The following LARGE1 variants were observed in gnomAD, a reference collection of about 807,000 sequenced individuals.
LARGE1 encodes the protein xylosyl- and glucuronyltransferase LARGE1.
Under a neutral mutation model 87.6 loss-of-function variants are expected in LARGE1, and 43 were observed. The observed-to-expected ratio is 0.49, with a 90% CI of 0.38 to 0.63. The LOEUF is 0.63. LARGE1 is among the 30% of genes least tolerant of loss of function. The pLI is 0.00. For missense variants in LARGE1, 802 were observed against 1,000.2 expected, an observed-to-expected ratio of 0.80 and a Z score of 2.67; for synonymous variants, 434 against 394.6, an observed-to-expected ratio of 1.10 and a Z score of -1.18.
Position 33,807,487 on chromosome 22 carries a change from G to A in LARGE1, c.-82-45929C>T, listed in dbSNP as rs1187208310. On this transcript the variant is annotated intron_variant, in intron 1 of 14. Coordinates refer to ENST00000397394, the MANE Select transcript of LARGE1 (RefSeq NM_133642.5). ...CAATCTCAACATACCCCATCAGAGT[G>A]GTAAGTTTCTTACAACTGGTGAGCC... 2.0e-5 allele frequency among the ~76,000 whole-genome samples: 3 copies of A among 152,192 alleles called. No individual in the cohort carries two copies. The East Asian group carries it at 5.8e-4, about 29-fold the overall frequency.
At chr22:33,815,285 G>A (rs776930446) in intron 1 of LARGE1, among the ~76,000 whole-genome samples, 8 of 152,154 alleles carry the variant, frequency 5.3e-5, no homozygotes, top group Non-Finnish European at 1.2e-4. Flanking sequence ...TCATCACCTC[G>A]TCTAAGCCAG....
chr22:33,748,280 C>T lies in LARGE1; in HGVS notation c.106+13091G>A, dbSNP rs986030350. 6.6e-5 allele frequency among the ~76,000 whole-genome samples: 10 copies of T among 151,706 alleles called. No homozygotes were observed. The South Asian group carries it at 1.5e-3, about 22-fold the overall frequency. ...CCGAGTAGCTGGGATTACAGGTGCCCGCCATCACGCCTGCCTAATTTTTTG... is the reference window on the plus strand; with the variant it reads ...CCGAGTAGCTGGGATTACAGGTGCCTGCCATCACGCCTGCCTAATTTTTTG... On this transcript the variant is annotated intron_variant, in intron 2 of 14. Transcript: ENST00000397394.
intron 7 of LARGE1, among the ~76,000 whole-genome samples, chr22:33,424,788 G>A (rs752104454): frequency 6.6e-6 from 1 of 152,074 alleles, no homozygotes; most frequent in Non-Finnish European, 1.5e-5. Flanking sequence ...AGGCTGCAGC[G>A]AGCTGTGTCT....
chr22:33,846,964 A>T (rs1288437291), intron 1 of LARGE1, among the ~76,000 whole-genome samples: 5 of 152,050 alleles, frequency 3.3e-5, no homozygotes, highest in Non-Finnish European at 7.4e-5. Flanking sequence ...GCCTTGTGAT[A>T]TTCTATTACC....
intron 2 of LARGE1, among the ~76,000 whole-genome samples, chr22:33,694,623 C>T (rs1048430409): frequency 1.3e-5 from 2 of 152,034 alleles, no homozygotes; most frequent in Non-Finnish European, 2.9e-5. Flanking sequence ...CTACTATTAC[C>T]TACAAATTCA....
chr22:33,093,251 C>T, the LARGE1 span, among the ~76,000 whole-genome samples: 1 of 152,178 alleles, frequency 6.6e-6, no homozygotes, highest in Non-Finnish European at 1.5e-5. Context: ...GAGACATTTT[C>T]CCCGAATGGT....
At chr22:33,807,008 CA>C (rs60713375) in intron 1 of LARGE1, among the ~76,000 whole-genome samples, 41,605 of 149,184 alleles carry the variant, frequency 0.28, 5,924 homozygotes, top group East Asian at 0.41. Context: ...GACTCCGTCT[CA>C]AAAAAAAAAA....
chr22:33,246,802 G>T (rs933955092), intron 11 of LARGE1, among the ~76,000 whole-genome samples: 1 of 152,150 alleles, frequency 6.6e-6, no homozygotes, highest in African/African-American at 2.4e-5. Context: ...ATAGAGTGTG[G>T]TCAACAACTT....
chr22:33,132,883 G>A, the LARGE1 span, among the ~76,000 whole-genome samples: 39 of 152,046 alleles, frequency 2.6e-4, no homozygotes, highest in Non-Finnish European at 4.7e-4. Flanking sequence ...ATTGTTTCCC[G>A]TCTTATACTT....
At chr22:33,783,801 T>C (rs1481724352) in intron 1 of LARGE1, among the ~76,000 whole-genome samples, 1 of 152,158 alleles carries the variant, frequency 6.6e-6, no homozygotes, top group Non-Finnish European at 1.5e-5. Context: ...TGACAATCAC[T>C]GCTGCAGAAC....
At chr22:33,370,598 G>T (rs2064771338) in intron 9 of LARGE1, among the ~76,000 whole-genome samples, 1 of 151,942 alleles carries the variant, frequency 6.6e-6, no homozygotes, top group Non-Finnish European at 1.5e-5. Flanking sequence ...CTATCTCATG[G>T]CTAAAATTCT....
chr22:33,783,575 A>G (rs2085500413), intron 1 of LARGE1, among the ~76,000 whole-genome samples: 1 of 152,134 alleles, frequency 6.6e-6, no homozygotes, highest in African/African-American at 2.4e-5. Context: ...AAAAAACACA[A>G]ATTTGTATGG....
At chr22:33,428,277 C>T (rs912213097) in intron 7 of LARGE1, among the ~76,000 whole-genome samples, 1 of 150,786 alleles carries the variant, frequency 6.6e-6, no homozygotes, top group Non-Finnish European at 1.5e-5. Flanking sequence ...AAACAAGTTA[C>T]AACATTAATT....
chr22:33,306,216 C>A (rs1015347352), intron 11 of LARGE1, among the ~76,000 whole-genome samples: 2 of 152,198 alleles, frequency 1.3e-5, no homozygotes, highest in Admixed American at 6.5e-5. Context: ...TACTAGACTT[C>A]TGCTGTGGGG....
chr22:33,734,873 A>G (rs1312359574), intron 2 of LARGE1, among the ~76,000 whole-genome samples: 3 of 152,176 alleles, frequency 2.0e-5, no homozygotes, highest in Admixed American at 2.0e-4. Context: ...TCTGGCTACC[A>G]TGGAATGCCT....
intron 2 of LARGE1, among the ~76,000 whole-genome samples, chr22:33,699,294 C>T (rs771116837): frequency 7.9e-5 from 12 of 152,218 alleles, no homozygotes; most frequent in Non-Finnish European, 1.2e-4. Context: ...TTCACCTCTT[C>T]GCAGAATGGG....
intron 1 of LARGE1, among the ~76,000 whole-genome samples, chr22:33,868,885 G>A (rs1224526650): frequency 1.3e-5 from 2 of 152,084 alleles, no homozygotes; most frequent in African/African-American, 2.4e-5. Flanking sequence ...CAAGGTACAC[G>A]GATTCACGGC....
intron 7 of LARGE1, among the ~76,000 whole-genome samples, chr22:33,394,702 CGTGTGTGTGTGTGTGT>C (rs59338001): frequency 1.7e-4 from 24 of 142,424 alleles, no homozygotes; most frequent in African/African-American, 4.2e-4. Flanking sequence ...CTCCTGGGAG[CGTGTGTGTGTGTGTGT>C]GTGTGTGTGT....
At chr22:33,254,885 A>G (rs996196487) in intron 11 of LARGE1, among the ~76,000 whole-genome samples, 1 of 151,202 alleles carries the variant, frequency 6.6e-6, no homozygotes, top group African/African-American at 2.4e-5. Flanking sequence ...AGGAGCTCAT[A>G]TCTAATAATC....
Sources: allele counts gnomAD v4.1 joint callset (sites outside exome capture counted in the v4.1 genomes callset), GRCh38; gene constraint gnomAD v4.1.1; transcripts MANE v1.5; gene names NCBI Gene and HGNC (gene_info 2026-07-23, HGNC 2026-07-21).